SLC14A2: variants seen among roughly 807,000 people sequenced by gnomAD.
SLC14A2 encodes the protein urea transporter 2.
In SLC14A2, 91 loss-of-function variants were observed where a neutral mutation model predicts 104.6. The observed-to-expected ratio is 0.87, with a 90% CI of 0.73 to 1.04. The LOEUF is 1.04. Ranked by LOEUF, SLC14A2 falls within the 50% of genes least tolerant of loss-of-function variation. The probability of loss-of-function intolerance (pLI) is 0.00; values close to 1 mark genes in which losing one functional copy is unlikely to be tolerated. For missense variants in SLC14A2, 1,189 were observed against 1,156.0 expected, an observed-to-expected ratio of 1.03 and a Z score of -0.41; for synonymous variants, 476 against 466.4, an observed-to-expected ratio of 1.02 and a Z score of -0.27.
At chr18:45,583,769 TC>T (rs1342770805) in intron 2 of SLC14A2, among the ~76,000 whole-genome samples, 1 of 152,088 alleles carries the variant, frequency 6.6e-6, no homozygotes, top group Non-Finnish European at 1.5e-5. Context: ...AGCCCCAATT[TC>T]CATGGTATAA....
Position 45,672,990 on chromosome 18 carries a change from T to C in SLC14A2, c.2320T>C (p.Ser774Pro). The C allele has an allele frequency of 4.3e-6, 7 of 1,614,194 alleles. No homozygotes were observed. Among genetic ancestry groups the C allele is most frequent in the Non-Finnish European group, 5.9e-6 (7 of 1,180,026 alleles). ...CATCTTCCTCATAGCTCTGTTCATA[T>C]CCTCACCTCTCATTTGCTTGCATGC... ...GGIFLIALFI[S>P]SPLICLHAAI... The change falls in exon 17 of 20, where the codon TCC becomes CCC. Residue 774 changes from serine to proline, a missense_variant. By Grantham distance (74) the Ser-to-Pro change is moderately conservative. Coordinates refer to ENST00000255226, the MANE Select transcript of SLC14A2 (RefSeq NM_007163.4).
intron 1 of SLC14A2, among the ~76,000 whole-genome samples, chr18:45,395,846 C>T (rs1419061936): frequency 1.3e-5 from 2 of 152,116 alleles, no homozygotes; most frequent in African/African-American, 4.8e-5. Flanking sequence ...GATTTCTTTT[C>T]ACCCTAACTA....
At chr18:45,341,743 C>G (rs985527705) in intron 1 of SLC14A2, among the ~76,000 whole-genome samples, 1 of 151,710 alleles carries the variant, frequency 6.6e-6, no homozygotes, top group East Asian at 1.9e-4. Context: ...TAGGTGCCAC[C>G]ACACCTGGCT....
the SLC14A2 span, among the ~76,000 whole-genome samples, chr18:45,168,337 G>A: frequency 6.6e-6 from 1 of 152,182 alleles, no homozygotes; most frequent in Non-Finnish European, 1.5e-5. Context: ...TATTTATGGT[G>A]AATACCATGT....
At chr18:45,215,400 T>C (rs550369933) in intron 1 of SLC14A2, among the ~76,000 whole-genome samples, 1 of 152,328 alleles carries the variant, frequency 6.6e-6, no homozygotes, top group Admixed American at 6.5e-5. Flanking sequence ...GCCCTAGTTT[T>C]TCCCTTATTG....
Position 45,493,032 on chromosome 18 carries a change from G to A in SLC14A2, c.-35+9710G>A, listed in dbSNP as rs12326554. ...ATGTTCCACACTCACCTCTCTTTGG[G>A]AATTACAACTTCTCTTCCAGGTTCA... On this transcript the variant is annotated intron_variant, in intron 2 of 20. Coordinates refer to the SLC14A2 transcript ENST00000586448. The A allele has an allele frequency of 5.4e-3, 823 of 152,226 alleles. 6 individuals are homozygous for A. Among genetic ancestry groups the A allele is most frequent in the Middle Eastern group, 0.014 (4 of 294 alleles). The allele number at this position is 152,226 out of a possible 1,614,324, so 9.4% of individuals were successfully genotyped here. A position where few individuals can be genotyped will look rare whatever the true frequency, so the allele number is the denominator to read the frequency against.
rs921266900 is a variant in SLC14A2 at position 45,628,787 on chromosome 18, G to A, written c.521+1640G>A. Among the ~76,000 whole-genome samples, 15 of 152,254 alleles carry A rather than the reference G, an allele frequency of 9.9e-5. 1 individual carries two copies. Among genetic ancestry groups the A allele is most frequent in the East Asian group, 1.9e-4 (1 of 5,180 alleles). On this transcript the variant is annotated intron_variant, in intron 4 of 19. Coordinates refer to ENST00000255226, the MANE Select transcript of SLC14A2 (RefSeq NM_007163.4). ...TTTCATTTATGTTGGGGATGTGTGC[G>A]TGGGAGAGAAAGAAAGAAAGAAAGT...
chr18:45,207,117 T>C, the SLC14A2 span, among the ~76,000 whole-genome samples: 3 of 152,178 alleles, frequency 2.0e-5, no homozygotes, highest in Non-Finnish European at 4.4e-5. Context: ...AGAGCATATC[T>C]GTGTGCTCTA....
At chr18:45,419,752 C>T (rs113534270) in intron 1 of SLC14A2, among the ~76,000 whole-genome samples, 212 of 144,612 alleles carry the variant, frequency 1.5e-3, no homozygotes, top group African/African-American at 5.1e-3. Context: ...CCAGCCTGGG[C>T]GACAGAGGAA....
chr18:45,506,613 G>A (rs1194735946), intron 2 of SLC14A2, among the ~76,000 whole-genome samples: 1 of 152,188 alleles, frequency 6.6e-6, no homozygotes, highest in East Asian at 1.9e-4. Flanking sequence ...AGAAATTGGA[G>A]TGATGCCACC....
intron 1 of SLC14A2, among the ~76,000 whole-genome samples, chr18:45,432,868 TTGTC>T (rs1304465797): frequency 1.3e-5 from 2 of 152,174 alleles, no homozygotes; most frequent in African/African-American, 4.8e-5. Context: ...GGGCAAGAGT[TTGTC>T]TGGGATTTTG....
intron 1 of SLC14A2, among the ~76,000 whole-genome samples, chr18:45,295,811 T>C (rs1015940052): frequency 6.6e-6 from 1 of 152,176 alleles, no homozygotes; most frequent in African/African-American, 2.4e-5. Flanking sequence ...TCTGGTCTCT[T>C]TTATCAAAGA....
intron 2 of SLC14A2, among the ~76,000 whole-genome samples, chr18:45,524,124 C>G (rs1450340038): frequency 1.3e-5 from 2 of 152,046 alleles, no homozygotes; most frequent in African/African-American, 2.4e-5. Flanking sequence ...CTGGATGGAG[C>G]CTGGTCCTTA....
intron 2 of SLC14A2, among the ~76,000 whole-genome samples, chr18:45,487,325 G>A (rs2087625959): frequency 6.6e-6 from 1 of 152,126 alleles, no homozygotes; most frequent in African/African-American, 2.4e-5. Context: ...CACTTTTAAG[G>A]GCTCATATGA....
chr18:45,184,680 CTG>C, the SLC14A2 span, among the ~76,000 whole-genome samples: 1 of 152,164 alleles, frequency 6.6e-6, no homozygotes, highest in African/African-American at 2.4e-5. Flanking sequence ...CATATAATAA[CTG>C]AAATATTAAA....
At chr18:45,351,340 A>C (rs779130933) in intron 1 of SLC14A2, among the ~76,000 whole-genome samples, 3 of 151,816 alleles carry the variant, frequency 2.0e-5, no homozygotes, top group Non-Finnish European at 4.4e-5. Context: ...TTTCTATTCC[A>C]CTTATGCACC....
chr18:45,273,521 G>A (rs530948030), intron 1 of SLC14A2, among the ~76,000 whole-genome samples: 1 of 152,246 alleles, frequency 6.6e-6, no homozygotes, highest in East Asian at 1.9e-4. Flanking sequence ...AACAGGTAGT[G>A]TGCAATACAA....
chr18:45,526,785 G>A (rs989104516), intron 2 of SLC14A2, among the ~76,000 whole-genome samples: 7 of 152,106 alleles, frequency 4.6e-5, no homozygotes, highest in African/African-American at 1.7e-4. Flanking sequence ...CCTGAGCCAG[G>A]CAAAGTAGGG....
At chr18:45,281,305 T>A (rs1331768896) in intron 1 of SLC14A2, among the ~76,000 whole-genome samples, 1 of 151,918 alleles carries the variant, frequency 6.6e-6, no homozygotes, top group Non-Finnish European at 1.5e-5. Context: ...TATACACACT[T>A]ACACACACAC....
Sources: gnomAD v4.1 joint callset for allele counts (sites outside exome capture counted in the v4.1 genomes callset) on GRCh38, gnomAD v4.1.1 for gene constraint, MANE v1.5 for transcripts, NCBI Gene and HGNC (gene_info 2026-07-23, HGNC 2026-07-21) for gene names.